The following ANTXR1 variants were observed in gnomAD, a reference collection of about 807,000 sequenced individuals.
ANTXR1 encodes anthrax toxin receptor 1.
A neutral mutation model predicts 78.1 loss-of-function variants in ANTXR1; 19 were observed. The ratio of observed to expected loss-of-function variants is 0.24; its 90% CI spans 0.17 to 0.36. The LOEUF is 0.36. Among genes scored for constraint, ANTXR1 ranks in the 10% least tolerant of loss-of-function variants. The probability of loss-of-function intolerance (pLI) is 1.00; values close to 1 mark genes in which losing one functional copy is unlikely to be tolerated. For missense variants in ANTXR1, 518 were observed against 718.6 expected, an observed-to-expected ratio of 0.72 and a Z score of 3.19; for synonymous variants, 273 against 260.5, an observed-to-expected ratio of 1.05 and a Z score of -0.46.
chr2:69,139,268 G>C (rs188935089), intron 12 of ANTXR1, among the ~76,000 whole-genome samples: 3 of 152,318 alleles, frequency 2.0e-5, no homozygotes, highest in Admixed American at 2.0e-4. Context: ...ACCTGCCCCA[G>C]GATGACTCAG....
intron 17 of ANTXR1, among the ~76,000 whole-genome samples, chr2:69,238,925 C>T (rs920809813): frequency 2.6e-5 from 4 of 152,160 alleles, no homozygotes; most frequent in African/African-American, 4.8e-5. Context: ...CGGAGCGTGC[C>T]TGATGCCCAA....
intron 1 of ANTXR1, among the ~76,000 whole-genome samples, chr2:69,039,474 T>G (rs1323066233): frequency 6.6e-6 from 1 of 152,206 alleles, no homozygotes; most frequent in South Asian, 2.1e-4. Context: ...AAATTAGATT[T>G]CCTTAAGTGT....
intron 17 of ANTXR1, among the ~76,000 whole-genome samples, chr2:69,221,826 CTT>C (rs1184206899): frequency 6.6e-6 from 1 of 152,156 alleles, no homozygotes; most frequent in Non-Finnish European, 1.5e-5. Context: ...AGGATTTTCT[CTT>C]CTCTTTTTTC....
At chr2:69,159,552 C>G (rs892664958) in intron 13 of ANTXR1, among the ~76,000 whole-genome samples, 18 of 151,956 alleles carry the variant, frequency 1.2e-4, no homozygotes, top group African/African-American at 3.6e-4. Flanking sequence ...AAAAAAAATC[C>G]TGCTTTTAAA....
At chr2:69,138,523 C>T (rs2104410478) in intron 12 of ANTXR1, among the ~76,000 whole-genome samples, 1 of 152,308 alleles carries the variant, frequency 6.6e-6, no homozygotes, top group East Asian at 1.9e-4. Flanking sequence ...ATGACAAGGT[C>T]CCATGAGGGT....
intron 6 of ANTXR1, among the ~76,000 whole-genome samples, chr2:69,074,492 G>A (rs1433852508): frequency 6.6e-6 from 1 of 152,172 alleles, no homozygotes; most frequent in Non-Finnish European, 1.5e-5. Context: ...CCAGTAGAAG[G>A]AGACCTTCTG....
intron 3 of ANTXR1, among the ~76,000 whole-genome samples, chr2:69,059,135 T>A (rs987668722): frequency 2.0e-5 from 3 of 152,212 alleles, no homozygotes; most frequent in Non-Finnish European, 4.4e-5. Flanking sequence ...TACAAGGAAC[T>A]TAGAATATTC....
At chr2:69,015,922 G>A (rs916015296) in intron 1 of ANTXR1, among the ~76,000 whole-genome samples, 12 of 152,028 alleles carry the variant, frequency 7.9e-5, no homozygotes, top group Admixed American at 7.9e-4. Flanking sequence ...AAAAAAATAT[G>A]AGTCAATAAA....
intron 3 of ANTXR1, among the ~76,000 whole-genome samples, chr2:69,069,448 G>C (rs1400443194): frequency 3.3e-5 from 5 of 152,168 alleles, no homozygotes; most frequent in Non-Finnish European, 7.3e-5. Flanking sequence ...CATGTATTTA[G>C]ACAGAGCCTG....
rs896118853 is a variant in ANTXR1 at position 69,013,783 on chromosome 2, A to G, written c.152+132A>G. ...CAGGGCCACAGAGGGACCGCGCGGC[A>G]GGCGGCGGCGGAGTGCTGCGCCTTT... On this transcript the variant is annotated intron_variant, in intron 1 of 17. Transcript: ENST00000303714. The surrounding 1 kb of genome is among the most constrained non-coding windows in gnomAD (Gnocchi z 5.0). 9 of 1,468,872 alleles carry G rather than the reference A, an allele frequency of 6.1e-6. No homozygotes were observed. Among genetic ancestry groups the G allele is most frequent in the Non-Finnish European group, 8.4e-6 (9 of 1,076,700 alleles). 91.0% of individuals were successfully genotyped at this position (1,468,872 alleles called of 1,614,324 possible). A position where few individuals can be genotyped will look rare whatever the true frequency, so the allele number is the denominator to read the frequency against.
Position 69,124,541 on chromosome 2 carries a change from C to A in ANTXR1, c.873-24C>A. 5.6e-6 allele frequency: 9 copies of A among 1,611,940 alleles called. No homozygotes were observed. In the Middle Eastern group the frequency reaches 1.5e-3, roughly 266 times the overall value. On this transcript the variant is annotated intron_variant, in intron 11 of 17. Transcript: ENST00000303714. ...GCTCATTGCACGCCCTGCTGAGAGT[C>A]TGCTTCCCTTGTTGTCATTGCAGGA...
At chr2:69,193,311 C>A (rs763379825) in intron 16 of ANTXR1, 24 bp from the exon 17 acceptor site, 2 of 1,611,822 alleles carry the variant, frequency 1.2e-6, no homozygotes, top group South Asian at 1.1e-5. Context: ...CATATGTAAT[C>A]TTGGTGCATT....
intron 17 of ANTXR1, among the ~76,000 whole-genome samples, chr2:69,223,801 TAAGGA>T (rs1675379212): frequency 6.6e-6 from 1 of 152,198 alleles, no homozygotes; most frequent in Non-Finnish European, 1.5e-5. Flanking sequence ...AGACCTTGCT[TAAGGA>T]AATATGAATT....
chr2:69,180,464 G>C (rs1674245575), intron 14 of ANTXR1, among the ~76,000 whole-genome samples: 2 of 152,200 alleles, frequency 1.3e-5, no homozygotes, highest in African/African-American at 4.8e-5. Context: ...ACAGTGCCAA[G>C]ATGAAGAGCA....
chr2:69,146,440 G>C, intron 12 of ANTXR1: 1 of 925,884 alleles, frequency 1.1e-6, no homozygotes, highest in East Asian at 1.2e-4. Flanking sequence ...AAATAACATT[G>C]GTAAGACTCC....
intron 1 of ANTXR1, among the ~76,000 whole-genome samples, chr2:69,017,924 C>T (rs969915042): frequency 2.6e-5 from 4 of 152,118 alleles, no homozygotes; most frequent in African/African-American, 7.2e-5. Flanking sequence ...TCTCTTATTA[C>T]GTATATGTTT....
intron 17 of ANTXR1, among the ~76,000 whole-genome samples, chr2:69,194,829 C>T (rs1033334630): frequency 4.6e-5 from 7 of 150,628 alleles, no homozygotes; most frequent in East Asian, 2.0e-4. Flanking sequence ...CCAGCCTGGG[C>T]GACAGAATGA....
At chr2:69,093,814 C>G (rs1294957328) in intron 9 of ANTXR1, among the ~76,000 whole-genome samples, 1 of 152,102 alleles carries the variant, frequency 6.6e-6, no homozygotes, top group African/African-American at 2.4e-5. Context: ...ATTTTATAAG[C>G]AAACAACAGT....
rs1340668761 is a variant in ANTXR1, at chr2:69,131,403, C to T, written c.951+6760C>T. 3.3e-5 allele frequency among the ~76,000 whole-genome samples: 5 copies of T among 152,210 alleles called. No individual in the cohort carries two copies. The South Asian group carries it at 8.3e-4, about 25-fold the overall frequency. On this transcript the variant is annotated intron_variant, in intron 12 of 17. Coordinates refer to ENST00000303714, the MANE Select transcript of ANTXR1 (RefSeq NM_032208.3). Reference sequence around the variant, plus strand: ...ATTTCAGGAAGAAAGACCCTCTTAACATCCGGGTTATTTTCAACACTTCAT... The same window carrying T: ...ATTTCAGGAAGAAAGACCCTCTTAATATCCGGGTTATTTTCAACACTTCAT...
Sources: allele counts gnomAD v4.1 joint callset (sites outside exome capture counted in the v4.1 genomes callset), GRCh38; gene constraint gnomAD v4.1.1; non-coding constraint Gnocchi (gnomAD v3.1); transcripts MANE v1.5; gene names NCBI Gene and HGNC (gene_info 2026-07-23, HGNC 2026-07-21).